The following SAMD12 variants were observed in gnomAD, a reference collection of about 807,000 sequenced individuals.
SAMD12 encodes the protein sterile alpha motif domain containing 12, also known as sterile alpha motif domain-containing protein 12.
SAMD12 carries 9 observed loss-of-function variants against 15.0 expected under a neutral mutation model. That is an observed-to-expected ratio of 0.60 (90% confidence interval 0.36 to 1.05). SAMD12 has a LOEUF of 1.05. SAMD12 is among the 50% of genes least tolerant of loss of function. The pLI, the probability that SAMD12 is intolerant of heterozygous loss-of-function variation, is 0.01. For missense variants in SAMD12, 230 were observed against 234.2 expected (o/e 0.98, Z 0.12); for synonymous variants, 86 against 90.1 (o/e 0.96, Z 0.25).
intron 2 of SAMD12, among the ~76,000 whole-genome samples, chr8:118,509,625 C>T (rs149758986): frequency 6.8e-4 from 103 of 152,322 alleles, no homozygotes; most frequent in African/African-American, 2.5e-3. Context: ...TAGCATCACA[C>T]ACATAATACC....
At chr8:118,536,972 T>C (rs1825862737) in intron 2 of SAMD12, among the ~76,000 whole-genome samples, 1 of 152,232 alleles carries the variant, frequency 6.6e-6, no homozygotes. Context: ...CTGGTGTTGA[T>C]GAAATCCCTC....
intron 2 of SAMD12, among the ~76,000 whole-genome samples, chr8:118,477,840 C>T (rs528249180): frequency 3.2e-4 from 49 of 151,684 alleles, no homozygotes; most frequent in African/African-American, 8.2e-4. Flanking sequence ...GGTGAAACCC[C>T]GTCTCTACTA....
intron 4 of SAMD12, among the ~76,000 whole-genome samples, chr8:118,267,055 T>A (rs896610248): frequency 2.0e-5 from 3 of 151,812 alleles, no homozygotes; most frequent in Admixed American, 6.6e-5. Context: ...CCATTCTGTT[T>A]TATATATATA....
At chr8:118,615,861 A>G (rs1586859638) in intron 1 of SAMD12, among the ~76,000 whole-genome samples, 1 of 152,206 alleles carries the variant, frequency 6.6e-6, no homozygotes, top group African/African-American at 2.4e-5. Context: ...TTAGACTGAA[A>G]CCCTGTCCGA....
intron 4 of SAMD12, among the ~76,000 whole-genome samples, chr8:118,313,971 A>G (rs183343058): frequency 5.8e-4 from 88 of 151,962 alleles, no homozygotes; most frequent in Non-Finnish European, 1.0e-3. Context: ...TTTTACTTGA[A>G]AGATATTTAA....
At chr8:118,292,352 AC>A (rs1176830722) in intron 4 of SAMD12, among the ~76,000 whole-genome samples, 8 of 139,230 alleles carry the variant, frequency 5.7e-5, no homozygotes, top group African/African-American at 2.6e-4. Flanking sequence ...ACACACAGAC[AC>A]ACACACACAC....
At chr8:118,457,628 A>T (rs1823298599) in intron 2 of SAMD12, among the ~76,000 whole-genome samples, 1 of 152,166 alleles carries the variant, frequency 6.6e-6, no homozygotes, top group African/African-American at 2.4e-5. Context: ...AGGAAAGCAA[A>T]AATGTGTAGG....
In SAMD12 at chr8:118,558,704, G is replaced by A. The variant is rs546648054; in HGVS notation, c.192+22011C>T. Among the ~76,000 whole-genome samples, 287 of 152,172 alleles carry A rather than the reference G, an allele frequency of 1.9e-3. 2 individuals carry two copies. The highest frequency in any genetic ancestry group is 5.5e-3 in the African/African-American group (228 of 41,506). ...CTCCCGAGTAGCTGGGACTACAGGC[G>A]CGTGCCACCACGCCCGGCTAATTTT... On this transcript the variant is annotated intron_variant, in intron 2 of 3. Coordinates refer to ENST00000314727, the MANE Select transcript of SAMD12 (RefSeq NM_207506.3).
chr8:118,313,496 T>C (rs1378309563), intron 4 of SAMD12, among the ~76,000 whole-genome samples: 1 of 152,156 alleles, frequency 6.6e-6, no homozygotes, highest in African/African-American at 2.4e-5. Flanking sequence ...GCAGTGACTC[T>C]ATTGGCAACC....
intron 4 of SAMD12, among the ~76,000 whole-genome samples, chr8:118,296,279 CTTGT>C (rs2130293686): frequency 6.6e-6 from 1 of 152,300 alleles, no homozygotes; most frequent in Non-Finnish European, 1.5e-5. Flanking sequence ...ATGCCCTACA[CTTGT>C]TTGTTCTTGA....
At chr8:118,453,065 T>C (rs1029792166) in intron 2 of SAMD12, among the ~76,000 whole-genome samples, 1 of 152,218 alleles carries the variant, frequency 6.6e-6, no homozygotes, top group Non-Finnish European at 1.5e-5. Context: ...AAATGATGTA[T>C]TTAAATCTAT....
At chr8:118,438,163 C>T (rs983903056) in intron 3 of SAMD12, among the ~76,000 whole-genome samples, 1 of 152,180 alleles carries the variant, frequency 6.6e-6, no homozygotes, top group Admixed American at 6.5e-5. Context: ...TAAGTACCCA[C>T]ACTGCCTTCC....
intron 2 of SAMD12, among the ~76,000 whole-genome samples, chr8:118,460,922 C>T (rs1159162318): frequency 2.0e-5 from 3 of 152,220 alleles, no homozygotes; most frequent in Non-Finnish European, 4.4e-5. Context: ...AGCTACATCA[C>T]TCATCACTTT....
At chr8:118,605,301 C>T (rs1827959243) in intron 1 of SAMD12, among the ~76,000 whole-genome samples, 1 of 152,210 alleles carries the variant, frequency 6.6e-6, no homozygotes, top group Non-Finnish European at 1.5e-5. Context: ...AGATTACTTA[C>T]TGTGCTTACA....
chr8:118,342,801 T>G (rs541582750), intron 4 of SAMD12, among the ~76,000 whole-genome samples: 2 of 152,274 alleles, frequency 1.3e-5, no homozygotes, highest in African/African-American at 4.8e-5. Context: ...CTGATATAGG[T>G]GGGCCATGTA....
chr8:118,506,403 A>G (rs963163228), intron 2 of SAMD12, among the ~76,000 whole-genome samples: 10 of 152,176 alleles, frequency 6.6e-5, no homozygotes, highest in Non-Finnish European at 1.0e-4. Context: ...GGGTAAAACT[A>G]TGAGCCATTT....
intron 2 of SAMD12, among the ~76,000 whole-genome samples, chr8:118,470,030 C>A (rs1823747681): frequency 6.6e-6 from 1 of 151,948 alleles, no homozygotes; most frequent in Non-Finnish European, 1.5e-5. Flanking sequence ...ATGGAATACT[C>A]CTCATCTTTT....
intron 4 of SAMD12, among the ~76,000 whole-genome samples, chr8:118,256,864 C>G (rs1459830372): frequency 6.6e-6 from 1 of 151,188 alleles, no homozygotes; most frequent in East Asian, 1.9e-4. Flanking sequence ...TTCATAGAGT[C>G]TTTTAGGATA....
chr8:118,184,508 T>TTTC (rs1819210417), downstream of SAMD12, among the ~76,000 whole-genome samples: 1 of 149,508 alleles, frequency 6.7e-6, no homozygotes, highest in South Asian at 2.1e-4. Flanking sequence ...TCTTTCTTTT[T>TTTC]TTTCTGAGAC....
Sources: allele counts gnomAD v4.1 joint callset (sites outside exome capture counted in the v4.1 genomes callset), GRCh38; gene constraint gnomAD v4.1.1; transcripts MANE v1.5; gene names NCBI Gene and HGNC (gene_info 2026-07-23, HGNC 2026-07-21).